Variants in KLHL29 observed in about 807,000 individuals in gnomAD.
KLHL29 encodes kelch like family member 29, also known as kelch-like protein 29.
KLHL29 carries 21 observed loss-of-function variants against 80.4 expected under a neutral mutation model. That is an observed-to-expected ratio of 0.26 (90% CI 0.19 to 0.38). KLHL29 has a LOEUF of 0.38. Among genes scored for constraint, KLHL29 ranks in the 10% least tolerant of loss-of-function variants. KLHL29 has a pLI of 1.00. For synonymous variants in KLHL29, 511 were observed against 526.8 expected (o/e 0.97, Z 0.41); for missense variants, 867 against 1,223.9 (o/e 0.71, Z 4.35).
chr2:23,671,392 T>C (rs547913416), intron 5 of KLHL29, among the ~76,000 whole-genome samples: 1 of 152,182 alleles, frequency 6.6e-6, no homozygotes, highest in East Asian at 1.9e-4. Context: ...GGTGGCTGAC[T>C]TTCCCAAAGC....
In KLHL29 at chr2:23,681,085, T is replaced by C. The variant is rs984873723; in HGVS notation, c.941-3314T>C. 2.0e-5 allele frequency among the ~76,000 whole-genome samples: 3 copies of C among 152,298 alleles called. No homozygotes were observed. The highest frequency in any genetic ancestry group is 3.4e-3 in the Middle Eastern group (1 of 294). ...GTGCCCAGCGGGTCCTGGTGTCCCC[T>C]TGTGGATTCTGGGTCTCCCCACCGA... is the stretch of plus-strand genomic sequence containing the variant. On this transcript the variant is annotated intron_variant, in intron 5 of 13. Coordinates refer to ENST00000486442, the MANE Select transcript of KLHL29 (RefSeq NM_052920.2). This position sits in a 1 kb window ranked among gnomAD's most constrained non-coding sequence, Gnocchi z 4.2.
intron 2 of KLHL29, among the ~76,000 whole-genome samples, chr2:23,538,360 G>A (rs1379671512): frequency 6.6e-6 from 1 of 152,192 alleles, no homozygotes; most frequent in Non-Finnish European, 1.5e-5. Context: ...TGGGTGCAAA[G>A]CTGGAATTCC....
Position 23,656,390 on chromosome 2 carries a change from C to T in KLHL29, c.940+13540C>T, listed in dbSNP as rs563770092. On this transcript the variant is annotated intron_variant, in intron 5 of 13. Transcript: ENST00000486442. ...CAGGACCGAGGGATGTGAGGGAAGG[C>T]GAAGGGGAAGGGCTGTGAGGCACTG... Among the ~76,000 whole-genome samples, 9 of 152,186 alleles carry T rather than the reference C, an allele frequency of 5.9e-5. No individual in the cohort carries two copies. In the East Asian group the frequency reaches 7.7e-4, roughly 13 times the overall value.
At chr2:23,556,918 T>G (rs952440039) in intron 2 of KLHL29, among the ~76,000 whole-genome samples, 10 of 152,206 alleles carry the variant, frequency 6.6e-5, no homozygotes, top group African/African-American at 1.9e-4. Context: ...TTTAAACAGG[T>G]GCTAGCAAAG....
chr2:23,546,960 A>C (rs1191739680), intron 2 of KLHL29, among the ~76,000 whole-genome samples: 1 of 152,190 alleles, frequency 6.6e-6, no homozygotes, highest in Non-Finnish European at 1.5e-5. Flanking sequence ...GACAGACTTG[A>C]GCCATCTGGG....
At chr2:23,606,154 G>T (rs11687482) in intron 3 of KLHL29, among the ~76,000 whole-genome samples, 2 of 143,982 alleles carry the variant, frequency 1.4e-5, no homozygotes, top group East Asian at 2.1e-4. Flanking sequence ...GTGTGTGTGT[G>T]TATGTGTGTG....
chr2:23,492,420 C>T (rs1430648746), intron 2 of KLHL29, among the ~76,000 whole-genome samples: 1 of 152,216 alleles, frequency 6.6e-6, no homozygotes, highest in African/African-American at 2.4e-5. Context: ...TGCACCCACC[C>T]CCAGCCCTTG....
intron 2 of KLHL29, among the ~76,000 whole-genome samples, chr2:23,518,934 A>T (rs1666018470): frequency 6.6e-6 from 1 of 152,140 alleles, no homozygotes; most frequent in Admixed American, 6.5e-5. Flanking sequence ...TTCTCGGAAA[A>T]ATGTTTTCTT....
chr2:23,434,137 C>T (rs1415887934), intron 1 of KLHL29, among the ~76,000 whole-genome samples: 10 of 151,824 alleles, frequency 6.6e-5, no homozygotes, highest in Non-Finnish European at 1.2e-4. Context: ...TTGGCTAACA[C>T]GGTGAAACCC....
At chr2:23,670,583 C>T (rs1670685393) in intron 5 of KLHL29, among the ~76,000 whole-genome samples, 1 of 152,162 alleles carries the variant, frequency 6.6e-6, no homozygotes, top group African/African-American at 2.4e-5. Context: ...GGGCCTGCGG[C>T]GGGGGGCTGA....
intron 1 of KLHL29, among the ~76,000 whole-genome samples, chr2:23,397,065 G>C (rs1039930784): frequency 1.3e-5 from 2 of 152,220 alleles, no homozygotes; most frequent in African/African-American, 4.8e-5. Context: ...TGGCAGTGCG[G>C]GGGAAGGTAG....
At chr2:23,630,541 T>G (rs765471493) in intron 3 of KLHL29, among the ~76,000 whole-genome samples, 23 of 152,120 alleles carry the variant, frequency 1.5e-4, no homozygotes, top group Non-Finnish European at 2.6e-4. Flanking sequence ...TGGAGGGCAG[T>G]GGTGCTATCT....
At chr2:23,448,887 A>G (rs1663784405) in intron 1 of KLHL29, among the ~76,000 whole-genome samples, 1 of 152,142 alleles carries the variant, frequency 6.6e-6, no homozygotes, top group South Asian at 2.1e-4. Flanking sequence ...TCTGCTTGGT[A>G]GAATCTTAAA....
intron 2 of KLHL29, among the ~76,000 whole-genome samples, chr2:23,531,037 ATGTT>A (rs1307051556): frequency 6.6e-6 from 1 of 152,094 alleles, no homozygotes; most frequent in Non-Finnish European, 1.5e-5. Context: ...TATCTGTAGG[ATGTT>A]TGTTTTAAGA....
chr2:23,516,975 G>A lies in KLHL29; in HGVS notation c.-46+41308G>A, dbSNP rs184893323. 9.8e-5 allele frequency among the ~76,000 whole-genome samples: 15 copies of A among 152,306 alleles called. No homozygotes were observed. In the East Asian group the frequency reaches 1.7e-3, roughly 18 times the overall value. ...GCGTGGGCTTTGTCAGGCTGGTGAC[G>A]GACGTGCCTGGGAGCAAGAGCCTGG... is the stretch of plus-strand genomic sequence containing the variant. On this transcript the variant is annotated intron_variant, in intron 2 of 13. Transcript: ENST00000486442.
chr2:23,387,927 C>A (rs551066154), intron 1 of KLHL29, among the ~76,000 whole-genome samples: 2 of 152,128 alleles, frequency 1.3e-5, no homozygotes, highest in Admixed American at 6.5e-5. Context: ...TCTTATAAAC[C>A]ATATTTGCCT....
intron 3 of KLHL29, among the ~76,000 whole-genome samples, chr2:23,597,964 G>T (rs1668470426): frequency 6.6e-6 from 1 of 152,194 alleles, no homozygotes; most frequent in Admixed American, 6.5e-5. Context: ...TGGAGCTGGT[G>T]CCAGGAGTAA....
At position 23,603,361 on chromosome 2, in the gene KLHL29, C is replaced by T. The variant is rs1668621809; in HGVS notation, c.286-35778C>T. 2.0e-5 allele frequency among the ~76,000 whole-genome samples: 3 copies of T among 152,140 alleles called. No homozygotes were observed. In the South Asian group the frequency reaches 6.2e-4, roughly 32 times the overall value. Reference sequence around the variant, plus strand: ...TTCCTGGGCTGGAAGATGAAGGCTACAGCGGCGGCAGTCAGGGCTCTGACA... The same window carrying T: ...TTCCTGGGCTGGAAGATGAAGGCTATAGCGGCGGCAGTCAGGGCTCTGACA... On this transcript the variant is annotated intron_variant, in intron 3 of 13. Coordinates refer to ENST00000486442, the MANE Select transcript of KLHL29 (RefSeq NM_052920.2).
At chr2:23,398,829 A>G (rs1027773429) in intron 1 of KLHL29, among the ~76,000 whole-genome samples, 8 of 152,274 alleles carry the variant, frequency 5.3e-5, no homozygotes, top group African/African-American at 1.9e-4. Flanking sequence ...TTCACATACC[A>G]TAATGACACT....
Sources: allele counts gnomAD v4.1 joint callset (sites outside exome capture counted in the v4.1 genomes callset), GRCh38; gene constraint gnomAD v4.1.1; non-coding constraint Gnocchi (gnomAD v3.1); transcripts MANE v1.5; gene names NCBI Gene and HGNC (gene_info 2026-07-23, HGNC 2026-07-21).